The following CCDC138 variants were observed in gnomAD, a reference collection of about 807,000 sequenced individuals.
The protein encoded by CCDC138 is coiled-coil domain containing 138, also known as coiled-coil domain-containing protein 138.
Under a neutral mutation model 82.3 loss-of-function variants are expected in CCDC138, and 66 were observed. That is an observed-to-expected ratio of 0.80 (90% CI 0.66 to 0.98). The LOEUF (loss-of-function observed/expected upper bound fraction) is 0.98. CCDC138 is among the 50% of genes least tolerant of loss of function. The pLI is 0.00. For synonymous variants in CCDC138, 297 were observed against 265.4 expected (o/e 1.12, Z -1.16); for missense variants, 816 against 758.9 (o/e 1.08, Z -0.88).
At chr2:108,856,688 T>A in intron 12 of CCDC138, 106 bp from the exon 13 acceptor site, 1 of 1,038,562 alleles carries the variant, frequency 9.6e-7, no homozygotes, top group East Asian at 2.5e-5. Context: ...AATTTTTGTT[T>A]GTCTTTTGAG....
chr2:108,860,398 C>T (rs1293033760), intron 13 of CCDC138, among the ~76,000 whole-genome samples: 1 of 151,990 alleles, frequency 6.6e-6, no homozygotes, highest in Non-Finnish European at 1.5e-5. Context: ...AGTGGACATA[C>T]CTGTTGTGTT....
chr2:108,805,027 T>A lies in CCDC138; in HGVS notation c.855+19T>A, dbSNP rs1239669606. On this transcript the variant is annotated intron_variant, in intron 7 of 14. Coordinates refer to ENST00000295124, the MANE Select transcript of CCDC138 (RefSeq NM_144978.3). ...AAAACAGGTAAGACCTGTTTTAATA[T>A]ATACTGAACATAAGACATTCTAAGA... is the stretch of plus-strand genomic sequence containing the variant. 1 of 1,339,362 alleles carries A rather than the reference T, an allele frequency of 7.5e-7. No homozygotes were observed. The highest frequency in any genetic ancestry group is 2.2e-4 in the Middle Eastern group (1 of 4,618). 83.0% of individuals were successfully genotyped at this position (1,339,362 alleles called of 1,614,324 possible). A position where few individuals can be genotyped will look rare whatever the true frequency, so the allele number is the denominator to read the frequency against.
At chr2:108,871,546 T>C (rs1695255432) in intron 13 of CCDC138, among the ~76,000 whole-genome samples, 1 of 152,100 alleles carries the variant, frequency 6.6e-6, no homozygotes, top group Admixed American at 6.6e-5. Context: ...AGCAAGACTT[T>C]AGCTCCAAAA....
chr2:108,871,423 T>G, intron 13 of CCDC138, among the ~76,000 whole-genome samples: 1 of 148,370 alleles, frequency 6.7e-6, no homozygotes. Flanking sequence ...CATGATGGTG[T>G]GTGCCTGTAA....
At chr2:108,829,791 A>G (rs1231034072) in intron 10 of CCDC138, among the ~76,000 whole-genome samples, 2 of 152,322 alleles carry the variant, frequency 1.3e-5, no homozygotes, top group East Asian at 3.9e-4. Context: ...AAGTGTTGGC[A>G]AGGATGTCAG....
chr2:108,809,448 T>TGTGTG (rs1683409608), intron 7 of CCDC138, among the ~76,000 whole-genome samples: 1 of 141,138 alleles, frequency 7.1e-6, no homozygotes. Flanking sequence ...ACATGAAATG[T>TGTGTG]TGTGTGTGTG....
intron 10 of CCDC138, among the ~76,000 whole-genome samples, chr2:108,833,894 A>ATTTTTTTTTT (rs749488565): frequency 2.5e-5 from 2 of 79,242 alleles, no homozygotes; most frequent in Non-Finnish European, 4.5e-5. Context: ...CGCCCGGCTA[A>ATTTTTTTTTT]TTTTTTTTTT....
intron 10 of CCDC138, among the ~76,000 whole-genome samples, chr2:108,817,270 T>C (rs569347457): frequency 1.0e-3 from 155 of 152,050 alleles, no homozygotes; most frequent in Non-Finnish European, 2.0e-3. Context: ...AAGAGGGCCA[T>C]GAGACATGGA....
intron 10 of CCDC138, among the ~76,000 whole-genome samples, chr2:108,832,450 C>T (rs570964365): frequency 1.3e-5 from 2 of 149,728 alleles, no homozygotes; most frequent in Non-Finnish European, 3.0e-5. Context: ...CAAGTTCAAG[C>T]GATTCTCCTG....
At chr2:108,880,331 T>A (rs1285895850), downstream of CCDC138, among the ~76,000 whole-genome samples, 1 of 152,184 alleles carries the variant, frequency 6.6e-6, no homozygotes, top group Non-Finnish European at 1.5e-5. Flanking sequence ...ATTGTTAAGA[T>A]GTCTGTTCTT....
At chr2:108,832,478 G>T (rs1687870829) in intron 10 of CCDC138, among the ~76,000 whole-genome samples, 1 of 151,006 alleles carries the variant, frequency 6.6e-6, no homozygotes, top group Non-Finnish European at 1.5e-5. Context: ...CTCCCAAGTA[G>T]CTGGGATTAC....
At chr2:108,860,279 A>G (rs1019491774) in intron 13 of CCDC138, among the ~76,000 whole-genome samples, 1 of 152,110 alleles carries the variant, frequency 6.6e-6, no homozygotes, top group Non-Finnish European at 1.5e-5. Context: ...ATAGAATCCT[A>G]TTGTCAGTGA....
At chr2:108,852,920 A>G (rs1691758869) in intron 12 of CCDC138, among the ~76,000 whole-genome samples, 1 of 152,244 alleles carries the variant, frequency 6.6e-6, no homozygotes, top group African/African-American at 2.4e-5. Context: ...CAACCATTAC[A>G]GAAGTAAAAT....
intron 11 of CCDC138, among the ~76,000 whole-genome samples, chr2:108,841,339 A>G (rs1689447317): frequency 6.6e-6 from 1 of 152,142 alleles, no homozygotes; most frequent in Non-Finnish European, 1.5e-5. Context: ...TGTTCTATCA[A>G]GTGTGGAGAG....
intron 9 of CCDC138, 137 bp downstream of exon 9, chr2:108,813,064 A>G: frequency 4.9e-6 from 3 of 608,370 alleles, no homozygotes; most frequent in East Asian, 3.3e-5. Context: ...CCTGGCCAAC[A>G]TGGTGAAACC....
chr2:108,879,747 ATTG>A (rs1558782839), downstream of CCDC138, among the ~76,000 whole-genome samples: 1 of 151,998 alleles, frequency 6.6e-6, no homozygotes, highest in African/African-American at 2.4e-5. Context: ...AGCCGCTATC[ATTG>A]TTGTGACTAG....
intron 5 of CCDC138, among the ~76,000 whole-genome samples, chr2:108,795,955 T>C (rs1259595429): frequency 6.6e-6 from 1 of 152,202 alleles, no homozygotes; most frequent in Non-Finnish European, 1.5e-5. Flanking sequence ...ATTGCAAGGA[T>C]GTATCTATCA....
At chr2:108,866,744 G>A (rs192425661) in intron 13 of CCDC138, among the ~76,000 whole-genome samples, 5 of 152,116 alleles carry the variant, frequency 3.3e-5, no homozygotes, top group African/African-American at 1.2e-4. Context: ...TTAGCTGGAC[G>A]CGGTGACGGG....
intron 12 of CCDC138, among the ~76,000 whole-genome samples, chr2:108,854,682 C>G (rs13406863): frequency 0.072 from 10,900 of 152,134 alleles, 503 homozygotes; most frequent in South Asian, 0.15. Context: ...TTGGGCTCAG[C>G]TCATCTGGAT....
Sources: allele counts gnomAD v4.1 joint callset (sites outside exome capture counted in the v4.1 genomes callset), GRCh38; gene constraint gnomAD v4.1.1; transcripts MANE v1.5; gene names NCBI Gene and HGNC (gene_info 2026-07-23, HGNC 2026-07-21).